PELP1: variants seen among roughly 807,000 people sequenced by gnomAD.
PELP1 encodes the protein proline, glutamate and leucine rich protein 1.
Under a neutral mutation model 95.5 loss-of-function variants are expected in PELP1, and 32 were observed. The ratio of observed to expected loss-of-function variants is 0.34; its 90% CI spans 0.25 to 0.45. The LOEUF (loss-of-function observed/expected upper bound fraction) is 0.45. PELP1 is among the 20% of genes least tolerant of loss of function. The pLI, the probability that PELP1 is intolerant of heterozygous loss-of-function variation, is 1.00. For missense variants in PELP1, 1,358 were observed against 1,444.8 expected, an observed-to-expected ratio of 0.94 and a Z score of 0.97; for synonymous variants, 668 against 600.1, an observed-to-expected ratio of 1.11 and a Z score of -1.65.
At chr17:4,695,961 A>AC (rs1913281023) in intron 1 of PELP1, among the ~76,000 whole-genome samples, 2 of 150,378 alleles carry the variant, frequency 1.3e-5, no homozygotes, top group African/African-American at 4.9e-5. Context: ...ACCACCATGA[A>AC]CCCCCGCAGT....
Position 4,672,994 on chromosome 17 carries a change from TG to T in PELP1, c.1996del (p.His666IlefsTer44). On this transcript the variant is annotated frameshift_variant, in exon 16 of 17. Transcript: ENST00000572293. LOFTEE classifies it high-confidence loss of function. ...CACTGAGGGCATGGGGCCCGGAGGA[TG>T]GAACGGTGGGGCCCTGAAGGGCGAT... ...APSPFRAPPF[H>X]PPGPMPSVGS... is the part of the protein sequence containing the mutation. The T allele has an allele frequency of 6.4e-7, 1 of 1,555,852 alleles. No homozygotes were observed. Among genetic ancestry groups the T allele is most frequent in the Non-Finnish European group, 8.7e-7 (1 of 1,152,044 alleles).
Position 4,672,720 on chromosome 17 carries a change from C to A in PELP1, c.2271G>T (p.Gly757=), listed in dbSNP as rs777027416. ...PPTIPPDETF[G]GRVPRPAFVH... is the part of the protein sequence containing the mutation. ...CAAAGGCTGGTCTGGGCACTCTCCC[C>A]CCAAAAGTTTCATCTGGGGGTATAG... The change falls in exon 16 of 17, where the codon GGG becomes GGT. Residue 757 remains glycine, a synonymous_variant. Coordinates refer to ENST00000572293, the MANE Select transcript of PELP1 (RefSeq NM_014389.3). 1 of 1,613,418 alleles carries A rather than the reference C, an allele frequency of 6.2e-7. No homozygotes were observed. The highest frequency in any genetic ancestry group is 2.2e-5 in the East Asian group (1 of 44,866).
intron 5 of PELP1, among the ~76,000 whole-genome samples, chr17:4,680,868 G>A (rs1912659035): frequency 6.6e-6 from 1 of 152,186 alleles, no homozygotes. Context: ...TGCCAATTAC[G>A]AATGGCCCTT....
intron 3 of PELP1, 151 bp downstream of exon 3, chr17:4,690,737 A>G: frequency 1.8e-6 from 1 of 561,158 alleles, no homozygotes; most frequent in Non-Finnish European, 3.2e-6. Context: ...AAAAGTTTCT[A>G]TTTGAAGCTT....
intron 1 of PELP1, among the ~76,000 whole-genome samples, chr17:4,701,407 G>C (rs1260155830): frequency 6.6e-6 from 1 of 152,160 alleles, no homozygotes; most frequent in African/African-American, 2.4e-5. Flanking sequence ...CCCAGAGGCT[G>C]AAGGATTTTT....
At chr17:4,678,638 A>G (rs1240742326) in intron 5 of PELP1, among the ~76,000 whole-genome samples, 2 of 152,220 alleles carry the variant, frequency 1.3e-5, no homozygotes, top group Non-Finnish European at 2.9e-5. Context: ...CAAAACGCGC[A>G]CACACACAGC....
At position 4,676,819 on chromosome 17, in the gene PELP1, G is replaced by A. The variant is rs1912499895; in HGVS notation, c.643-7C>T. The A allele has an allele frequency of 1.3e-6, 2 of 1,559,790 alleles. No homozygotes were observed. The highest frequency in any genetic ancestry group is 1.7e-6 in the Non-Finnish European group (2 of 1,151,536). On this transcript the variant is annotated splice_region_variant and splice_polypyrimidine_tract_variant and intron_variant, in intron 5 of 16. Coordinates refer to ENST00000572293, the MANE Select transcript of PELP1 (RefSeq NM_014389.3). ...AAAATGAGGCCAGCTTGCCCTGGAT[G>A]TGGAGGAAAAAAGGAAGAGGCCAGT...
chr17:4,685,962 T>G (rs1009981897), intron 3 of PELP1, among the ~76,000 whole-genome samples: 3 of 151,946 alleles, frequency 2.0e-5, no homozygotes, highest in Non-Finnish European at 4.4e-5. Context: ...CCGGGTGTGG[T>G]GATAGGCGCC....
At chr17:4,676,563 C>T in intron 6 of PELP1, 56 bp from the exon 7 acceptor site, 1 of 1,593,706 alleles carries the variant, frequency 6.3e-7, no homozygotes, top group Non-Finnish European at 8.6e-7. Flanking sequence ...AGCCACAGAA[C>T]CCCCAGCCCC....
intron 5 of PELP1, among the ~76,000 whole-genome samples, chr17:4,678,165 G>A (rs1445114875): frequency 6.6e-6 from 1 of 151,112 alleles, no homozygotes; most frequent in Non-Finnish European, 1.5e-5. Flanking sequence ...AGTGAGCCGA[G>A]ATCACGCCAC....
rs1912175354 is a variant in PELP1, at chr17:4,671,046, G to T, written c.*393C>A. The T allele has an allele frequency of 4.3e-6, 1 of 230,018 alleles. No homozygotes were observed. Among genetic ancestry groups the T allele is most frequent in the African/African-American group, 2.3e-5 (1 of 43,402 alleles). The allele number at this position is 230,018 out of a possible 1,614,324, so 14.2% of individuals were successfully genotyped here. A position where few individuals can be genotyped will look rare whatever the true frequency, so the allele number is the denominator to read the frequency against. On this transcript the variant is annotated 3_prime_UTR_variant, in exon 17 of 17. Transcript: ENST00000572293. ...TGAGCACGCATGCGTGTGGGCATGT[G>T]GGTGTTGACACAGGTCCACTCACTA...
chr17:4,671,835 C>T lies in PELP1; in HGVS notation c.3156G>A (p.Glu1052=), dbSNP rs1243311857. ...ESPAAGPPPQ[E]LVEEEPSAPP... ...GAGCAGAGGGCTCTTCTTCAACAAG[C>T]TCCTGGGGAGGGGGCCCTGCCGCAG... is the stretch of plus-strand genomic sequence containing the variant. Residue 1052 remains glutamate, a synonymous_variant, in exon 16 of 17, where the codon GAG becomes GAA. Transcript: ENST00000572293. 3 of 1,513,826 alleles carry T rather than the reference C, an allele frequency of 2.0e-6. No homozygotes were observed. The highest frequency in any genetic ancestry group is 2.8e-5 in the African/African-American group (2 of 71,516). 93.8% of individuals were successfully genotyped at this position (1,513,826 alleles called of 1,614,324 possible).
chr17:4,689,454 A>G (rs976552547), intron 3 of PELP1, among the ~76,000 whole-genome samples: 1 of 152,260 alleles, frequency 6.6e-6, no homozygotes, highest in Admixed American at 6.5e-5. Context: ...GAATTTACAA[A>G]GAATTCAAAC....
At chr17:4,689,273 T>C (rs1303093528) in intron 3 of PELP1, among the ~76,000 whole-genome samples, 2 of 152,194 alleles carry the variant, frequency 1.3e-5, no homozygotes, top group Non-Finnish European at 2.9e-5. Flanking sequence ...TTCTAGACAT[T>C]GGCTTAGGCA....
rs775998173 is a variant in PELP1, at chr17:4,672,342, G to T, written c.2649C>A (p.Ile883=). 17 of 1,552,922 alleles carry T rather than the reference G, an allele frequency of 1.1e-5. No individual in the cohort carries two copies. The South Asian group carries it at 1.9e-4, about 17-fold the overall frequency. The part of the protein sequence containing the change: ...ALEEDLTVIN[I]NSSDEEEEEE... ...CCTCCTCCTCTTCATCACTGCTGTT[G>T]ATATTAATAACTGTCAAATCCTCTT... The change falls in exon 16 of 17, where the codon ATC becomes ATA. Residue 883 remains isoleucine, a synonymous_variant. Coordinates refer to ENST00000572293, the MANE Select transcript of PELP1 (RefSeq NM_014389.3).
In PELP1 at chr17:4,703,899, G is replaced by C. The variant is rs1468477675; in HGVS notation, c.213C>G (p.Cys71Trp). ...RSAPHLPGLMCLLRLHGSVGG... is the reference protein window; with the variant it reads ...RSAPHLPGLMWLLRLHGSVGG... ...CCACCGACCCATGCAGCCGCAATAG[G>C]CACATGAGCCCGGGCAAATGTGGGG... Residue 71 changes from cysteine to tryptophan, a missense_variant, in exon 1 of 17, where the codon TGC becomes TGG. This residue lies in a region of PELP1 where 169 missense variants were observed against 134.9 expected (regional missense o/e 1.25). Coordinates refer to ENST00000572293, the MANE Select transcript of PELP1 (RefSeq NM_014389.3). 5.0e-6 allele frequency: 8 copies of C among 1,613,288 alleles called. No homozygotes were observed. The East Asian group carries it at 1.8e-4, about 36-fold the overall frequency.
Position 4,675,120 on chromosome 17 carries a change from G to C in PELP1, c.1233C>G (p.Ile411Met). ...LLPQVLNSWS[I>M]GRDSLSPGQE... Reference sequence around the variant, plus strand: ...GGCCTGGAGAGAGGGAATCTCTACCGATGCTCCAGGAATTGAGGACCTGGG... The same window carrying C: ...GGCCTGGAGAGAGGGAATCTCTACCCATGCTCCAGGAATTGAGGACCTGGG... The change falls in exon 11 of 17, where the codon ATC (isoleucine) becomes ATG (methionine). Residue 411 changes from isoleucine (I) to methionine (M), a missense_variant. Ile to Met is a conservative substitution (Grantham distance 10, BLOSUM62 1). Transcript: ENST00000572293. This position sits in a 1 kb window ranked among gnomAD's most constrained non-coding sequence, Gnocchi z 4.3. The C allele has an allele frequency of 1.9e-6, 3 of 1,613,794 alleles. No individual in the cohort carries two copies. The highest frequency in any genetic ancestry group is 1.1e-5 in the South Asian group (1 of 91,068).
Position 4,672,188 on chromosome 17 carries a change from ATTCTTCCTCAAACTC to A in PELP1, c.2788_2802del (p.Glu930_Glu934del), listed in dbSNP as rs1912237642. On this transcript the variant is annotated inframe_deletion, in exon 16 of 17. Coordinates refer to ENST00000572293, the MANE Select transcript of PELP1 (RefSeq NM_014389.3). ...TCTAACTCACCTTCTTCTTCCTCAAATTCTTCCTCAAACTCTTCTTCCTCCTCTTCTTCCTCTTCA... is the reference window on the plus strand; with the variant it reads ...TCTAACTCACCTTCTTCTTCCTCAAATTCTTCCTCCTCTTCTTCCTCTTCA... The A allele has an allele frequency of 1.3e-6, 2 of 1,550,152 alleles. No homozygotes were observed. The highest frequency in any genetic ancestry group is 1.4e-5 in the African/African-American group (1 of 72,316).
chr17:4,701,372 G>C (rs976453966), intron 1 of PELP1, among the ~76,000 whole-genome samples: 1 of 152,034 alleles, frequency 6.6e-6, no homozygotes, highest in Non-Finnish European at 1.5e-5. Flanking sequence ...AGAAGAGTAA[G>C]TACAAAGCCT....
Sources: gnomAD v4.1 joint callset for allele counts (sites outside exome capture counted in the v4.1 genomes callset) on GRCh38, gnomAD v4.1.1 for gene constraint, gnomAD v4.1.1 regional missense constraint, Gnocchi (gnomAD v3.1) non-coding constraint, MANE v1.5 for transcripts, NCBI Gene and HGNC (gene_info 2026-07-23, HGNC 2026-07-21) for gene names.